Variants in LNP1 observed in about 807,000 individuals in gnomAD.
LNP1 encodes the protein leukemia NUP98 fusion partner 1.
A neutral mutation model predicts 14.5 loss-of-function variants in LNP1; 12 were observed. The observed-to-expected ratio is 0.83, with a 90% CI of 0.53 to 1.34. LNP1 has a LOEUF of 1.34. Among genes scored for constraint, LNP1 ranks in the 40% most tolerant of loss-of-function variants. The pLI is 0.00. For synonymous variants in LNP1, 75 were observed against 71.4 expected, an observed-to-expected ratio of 1.05 and a Z score of -0.26; for missense variants, 198 against 210.9, an observed-to-expected ratio of 0.94 and a Z score of 0.38.
chr3:100,426,006 G>C (rs1262627366), intron 1 of LNP1, among the ~76,000 whole-genome samples: 2 of 152,188 alleles, frequency 1.3e-5, no homozygotes, highest in Non-Finnish European at 2.9e-5. Flanking sequence ...ATTAATAGCA[G>C]TGAGCTATCC....
At chr3:100,445,919 A>T (rs1707383287) in intron 2 of LNP1, among the ~76,000 whole-genome samples, 1 of 152,210 alleles carries the variant, frequency 6.6e-6, no homozygotes, top group Non-Finnish European at 1.5e-5. Context: ...TTCAAGGAAA[A>T]CTACAAACCA....
intron 2 of LNP1, among the ~76,000 whole-genome samples, chr3:100,433,811 G>C (rs573765306): frequency 9.8e-5 from 15 of 152,312 alleles, no homozygotes; most frequent in African/African-American, 3.6e-4. Context: ...TTTCTGTAAT[G>C]ATCAGTGATG....
In LNP1 at chr3:100,402,281, T is replaced by C. The variant is rs961788551; in HGVS notation, c.-192T>C. On this transcript the variant is annotated 5_prime_UTR_variant, in exon 1 of 4. Transcript: ENST00000383693. The stretch of plus-strand genomic sequence containing the variant: ...TTTGCAGAAGCCTTACATTAAGATT[T>C]CATAAATGATTGTTTTGCTGTTAAG... 2 of 152,248 alleles carry C rather than the reference T, an allele frequency of 1.3e-5. No individual in the cohort carries two copies. The highest frequency in any genetic ancestry group is 2.9e-5 in the Non-Finnish European group (2 of 68,050). 9.4% of individuals were successfully genotyped at this position (152,248 alleles called of 1,614,324 possible). A position where few individuals can be genotyped will look rare whatever the true frequency, so the allele number is the denominator to read the frequency against.
At chr3:100,405,915 T>A (rs984468724) in intron 1 of LNP1, among the ~76,000 whole-genome samples, 2 of 152,196 alleles carry the variant, frequency 1.3e-5, no homozygotes, top group Non-Finnish European at 2.9e-5. Context: ...GTTCAACATT[T>A]CTGCCCACCC....
chr3:100,432,798 A>G (rs1389794782), intron 2 of LNP1, among the ~76,000 whole-genome samples: 2 of 152,168 alleles, frequency 1.3e-5, no homozygotes, highest in African/African-American at 2.4e-5. Context: ...CTTTCTAGTC[A>G]TCATCTCCTT....
chr3:100,412,328 G>A (rs1307776598), intron 1 of LNP1, among the ~76,000 whole-genome samples: 4 of 152,120 alleles, frequency 2.6e-5, no homozygotes, highest in Admixed American at 6.5e-5. Flanking sequence ...GATCCACCCC[G>A]TTGACCTGAA....
chr3:100,418,060 T>C (rs4928172), intron 1 of LNP1, among the ~76,000 whole-genome samples: 87,398 of 129,284 alleles, frequency 0.68, 28,557 homozygotes, highest in East Asian at 0.83. Flanking sequence ...TCTCATACCA[T>C]TTTTTTTTTT....
chr3:100,449,787 C>T (rs1348972189), intron 2 of LNP1, among the ~76,000 whole-genome samples: 1 of 152,040 alleles, frequency 6.6e-6, no homozygotes, highest in Non-Finnish European at 1.5e-5. Flanking sequence ...CTTAAAAAAA[C>T]CTTTTAAATC....
chr3:100,439,087 A>G (rs913761905), intron 2 of LNP1, among the ~76,000 whole-genome samples: 14 of 152,140 alleles, frequency 9.2e-5, no homozygotes, highest in African/African-American at 3.4e-4. Context: ...GCAAAACCTA[A>G]CTGCTGTAAG....
intron 2 of LNP1, among the ~76,000 whole-genome samples, chr3:100,447,137 G>C (rs1051171937): frequency 1.3e-5 from 2 of 152,110 alleles, no homozygotes; most frequent in Middle Eastern, 3.2e-3. Context: ...CTACTATAAA[G>C]ACACATGTAC....
Position 100,414,501 on chromosome 3 carries a change from C to T in LNP1, c.-34+12062C>T, listed in dbSNP as rs568431612. 1.1e-4 allele frequency among the ~76,000 whole-genome samples: 16 copies of T among 151,528 alleles called. No homozygotes were observed. The South Asian group carries it at 2.7e-3, about 26-fold the overall frequency. On this transcript the variant is annotated intron_variant, in intron 1 of 3. Coordinates refer to ENST00000383693, the MANE Select transcript of LNP1 (RefSeq NM_001085451.2). ...GGCAGAGGTTGCAGTGAGCCGAGAT[C>T]GCACCGCTGCACTCCAGCCTGGGCA...
chr3:100,455,998 TC>T lies in LNP1; in HGVS notation c.*73del. On this transcript the variant is annotated 3_prime_UTR_variant, in exon 4 of 4. Transcript: ENST00000383693. ...TTTCTTTGAGCCCCAATTCACCATT[TC>T]AGGATGTGGATGGGGGCGGGGTTGG... 2 of 1,514,990 alleles carry T rather than the reference TC, an allele frequency of 1.3e-6. No individual in the cohort carries two copies. Among genetic ancestry groups the T allele is most frequent in the South Asian group, 2.6e-5 (2 of 77,472 alleles). 93.8% of individuals were successfully genotyped at this position (1,514,990 alleles called of 1,614,324 possible). A position where few individuals can be genotyped will look rare whatever the true frequency, so the allele number is the denominator to read the frequency against.
intron 2 of LNP1, among the ~76,000 whole-genome samples, chr3:100,431,694 C>A (rs539634526): frequency 1.8e-4 from 28 of 151,726 alleles, no homozygotes; most frequent in South Asian, 8.3e-4. Flanking sequence ...AAAATGTAAT[C>A]AAATATTCTT....
intron 2 of LNP1, among the ~76,000 whole-genome samples, chr3:100,430,866 A>G (rs1707236465): frequency 6.6e-6 from 1 of 152,250 alleles, no homozygotes; most frequent in South Asian, 2.1e-4. Context: ...ATATTTCAAA[A>G]TATATCCCTT....
At chr3:100,414,967 A>C (rs1037307407) in intron 1 of LNP1, among the ~76,000 whole-genome samples, 1 of 152,222 alleles carries the variant, frequency 6.6e-6, no homozygotes, top group Non-Finnish European at 1.5e-5. Flanking sequence ...AACCAAAGAA[A>C]ACTAATAAAG....
chr3:100,435,136 C>G (rs1471351122), intron 2 of LNP1, among the ~76,000 whole-genome samples: 2 of 152,136 alleles, frequency 1.3e-5, no homozygotes, highest in Non-Finnish European at 2.9e-5. Flanking sequence ...GAGGCAATTC[C>G]TTAATCCAAG....
At chr3:100,406,524 G>T (rs1311072726) in intron 1 of LNP1, among the ~76,000 whole-genome samples, 12 of 151,822 alleles carry the variant, frequency 7.9e-5, no homozygotes, top group Admixed American at 5.9e-4. Context: ...TTGATTGCTT[G>T]ATTTTTATTT....
intron 1 of LNP1, among the ~76,000 whole-genome samples, chr3:100,427,769 ACT>A (rs769639535): frequency 4.6e-5 from 7 of 152,170 alleles, no homozygotes; most frequent in Non-Finnish European, 1.0e-4. Flanking sequence ...AATTAGGCAC[ACT>A]CTTCCAAAAA....
chr3:100,421,700 AAG>A (rs1321307680), intron 1 of LNP1, among the ~76,000 whole-genome samples: 2 of 152,190 alleles, frequency 1.3e-5, no homozygotes, highest in Non-Finnish European at 2.9e-5. Context: ...ACTTGTAAAA[AAG>A]AGAGAAATTT....
Sources: allele counts gnomAD v4.1 joint callset (sites outside exome capture counted in the v4.1 genomes callset), GRCh38; gene constraint gnomAD v4.1.1; transcripts MANE v1.5; gene names NCBI Gene and HGNC (gene_info 2026-07-23, HGNC 2026-07-21).